Variants in OCA2 observed in about 807,000 individuals in gnomAD.
OCA2 encodes the protein OCA2 melanosomal transmembrane protein, also known as P protein.
A neutral mutation model predicts 100.2 loss-of-function variants in OCA2; 77 were observed. The ratio of observed to expected loss-of-function variants is 0.77; its 90% CI spans 0.64 to 0.93. OCA2 has a LOEUF of 0.93. Among genes scored for constraint, OCA2 ranks in the 40% least tolerant of loss-of-function variants. The probability of loss-of-function intolerance (pLI) is 0.00; values close to 1 mark genes in which losing one functional copy is unlikely to be tolerated. For synonymous variants in OCA2, 432 were observed against 439.2 expected (o/e 0.98, Z 0.21); for missense variants, 1,062 against 1,089.1 (o/e 0.98, Z 0.35).
chr15:28,003,163 G>A (rs532493177), intron 9 of OCA2, among the ~76,000 whole-genome samples: 1 of 152,350 alleles, frequency 6.6e-6, no homozygotes, highest in African/African-American at 2.4e-5. Context: ...TCAGTACTCA[G>A]TTCCTAAGGT....
At position 27,845,680 on chromosome 15, in the gene OCA2, G is replaced by C. The variant is rs56269421; in HGVS notation, c.2339-628C>G. 8.5e-4 allele frequency among the ~76,000 whole-genome samples: 130 copies of C among 152,168 alleles called. 3 individuals are homozygous for C. Among genetic ancestry groups the C allele is most frequent in the African/African-American group, 3.0e-3 (123 of 41,518 alleles). Reference sequence around the variant, plus strand: ...ACCCCCCACACACACTCACACCCAGGGAAGGCCCAGGAGCCTCCTCCGTCG... The same window carrying C: ...ACCCCCCACACACACTCACACCCAGCGAAGGCCCAGGAGCCTCCTCCGTCG... On this transcript the variant is annotated intron_variant, in intron 22 of 23. Transcript: ENST00000354638.
At chr15:27,971,883 T>C (rs1486175183) in intron 14 of OCA2, among the ~76,000 whole-genome samples, 1 of 152,178 alleles carries the variant, frequency 6.6e-6, no homozygotes, top group Non-Finnish European at 1.5e-5. Context: ...GGATAAATTA[T>C]ATACTGGTGA....
Position 28,070,743 on chromosome 15 carries a change from T to C in OCA2, c.227+10905A>G, listed in dbSNP as rs979280947. 9.7e-3 allele frequency among the ~76,000 whole-genome samples: 1,449 copies of C among 149,416 alleles called. 27 individuals carry two copies. Among genetic ancestry groups the C allele is most frequent in the African/African-American group, 0.034 (1,380 of 40,078 alleles). On this transcript the variant is annotated intron_variant, in intron 2 of 23. Transcript: ENST00000354638. Reference sequence around the variant, plus strand: ...AAAGGCGGGAAAGGTGGGGAAGAGATTGAGAAATCGGATGGTTGCCGTGTC... The same window carrying C: ...AAAGGCGGGAAAGGTGGGGAAGAGACTGAGAAATCGGATGGTTGCCGTGTC...
intron 2 of OCA2, among the ~76,000 whole-genome samples, chr15:28,034,231 G>T (rs949748228): frequency 2.6e-5 from 4 of 152,170 alleles, no homozygotes; most frequent in Non-Finnish European, 5.9e-5. Flanking sequence ...GGTCAAGGCT[G>T]CAGTGAGCTA....
At chr15:28,015,611 G>A (rs1396629831) in intron 8 of OCA2, among the ~76,000 whole-genome samples, 1 of 152,108 alleles carries the variant, frequency 6.6e-6, no homozygotes, top group African/African-American at 2.4e-5. Context: ...GTAAGCCAGG[G>A]GAGAGGCCTT....
Position 28,024,870 on chromosome 15 carries a change from A to G in OCA2, c.548T>C (p.Leu183Pro), listed in dbSNP as rs372681761. ...AGAACACAGCACCACAAAGGCAAAC[A>G]GGCCCATGACTTTCAGCCACTGCAC... Reference protein sequence around the residue: ...RCVQWLKVMGLFAFVVLCSIL... With the variant: ...RCVQWLKVMGPFAFVVLCSIL... Residue 183 changes from leucine to proline, a missense_variant, in exon 5 of 24, where the codon CTG (leucine) becomes CCG (proline). Leu to Pro is a moderately conservative substitution (Grantham distance 98). Transcript: ENST00000354638. The G allele has an allele frequency of 1.2e-6, 2 of 1,614,110 alleles. No homozygotes were observed. The highest frequency in any genetic ancestry group is 8.5e-7 in the Non-Finnish European group (1 of 1,180,044).
the OCA2 span, among the ~76,000 whole-genome samples, chr15:27,726,185 C>G: frequency 6.6e-6 from 1 of 152,066 alleles, no homozygotes; most frequent in African/African-American, 2.4e-5. Context: ...GTAGTCCCAG[C>G]TACTCGGGAG....
At chr15:27,935,477 G>A (rs547809735) in intron 18 of OCA2, among the ~76,000 whole-genome samples, 1 of 152,272 alleles carries the variant, frequency 6.6e-6, no homozygotes, top group African/African-American at 2.4e-5. Context: ...AGTAGGAAAG[G>A]GCTTTCACCA....
intron 2 of OCA2, among the ~76,000 whole-genome samples, chr15:28,044,641 G>C (rs2043296921): frequency 6.6e-6 from 1 of 152,198 alleles, no homozygotes; most frequent in African/African-American, 2.4e-5. Context: ...CTCCAACTAT[G>C]ATTCTTTCTT....
At chr15:27,768,851 A>T (rs2031491260) in intron 23 of OCA2, among the ~76,000 whole-genome samples, 1 of 152,334 alleles carries the variant, frequency 6.6e-6, no homozygotes, top group African/African-American at 2.4e-5. Context: ...GGCACTTCAA[A>T]GGCTGGCCTG....
intron 18 of OCA2, among the ~76,000 whole-genome samples, chr15:27,942,640 T>C (rs998931766): frequency 1.3e-5 from 2 of 152,176 alleles, no homozygotes; most frequent in Non-Finnish European, 2.9e-5. Flanking sequence ...AATGATATAA[T>C]TTTGCAAGAT....
intron 21 of OCA2, among the ~76,000 whole-genome samples, chr15:27,861,111 T>TG (rs1166743244): frequency 6.6e-6 from 1 of 152,158 alleles, no homozygotes; most frequent in Non-Finnish European, 1.5e-5. Flanking sequence ...TGGTCCTTGC[T>TG]GGGGCCTCAG....
At chr15:27,830,811 G>A (rs981831656) in intron 23 of OCA2, among the ~76,000 whole-genome samples, 7 of 152,294 alleles carry the variant, frequency 4.6e-5, no homozygotes, top group Middle Eastern at 3.4e-3. Context: ...GAGGAGACTG[G>A]AAGACTGGTT....
rs374350218 is a variant in OCA2, at chr15:28,022,559, T to A, written c.588A>T (p.Leu196=). The change falls in exon 6 of 24, where the codon CTA becomes CTT. Residue 196 remains leucine, a synonymous_variant. Transcript: ENST00000354638. ...GCCAGAGCTTTCCTTGATCCGGATA[T>A]AGGCTGAACAAAATCTGTAACAATC... is the stretch of plus-strand genomic sequence containing the variant. ...FVVLCSILFS[L]YPDQGKLWQL... 1 of 1,613,570 alleles carries A rather than the reference T, an allele frequency of 6.2e-7. No individual in the cohort carries two copies. The highest frequency in any genetic ancestry group is 1.7e-5 in the Admixed American group (1 of 60,024).
At chr15:27,887,190 C>T (rs144215412) in intron 19 of OCA2, among the ~76,000 whole-genome samples, 2,369 of 152,258 alleles carry the variant, frequency 0.016, 55 homozygotes, top group African/African-American at 0.05. Flanking sequence ...GTCCATTAAA[C>T]CTCTTTCCTT....
chr15:27,943,671 TAAAAAAAAAAA>T (rs66644405), intron 18 of OCA2, among the ~76,000 whole-genome samples: 26 of 114,884 alleles, frequency 2.3e-4, no homozygotes, highest in African/African-American at 7.3e-4. Flanking sequence ...AAGTATAATT[TAAAAAAAAAAA>T]AAAAAAAAAC....
intron 19 of OCA2, chr15:27,896,453 GAA>G (rs2037693299): frequency 1.6e-6 from 1 of 640,432 alleles, no homozygotes; most frequent in Admixed American, 2.2e-5. Flanking sequence ...CCATCTAGGA[GAA>G]GAAGCCCAAG....
At chr15:27,798,544 G>C (rs922767814) in intron 23 of OCA2, among the ~76,000 whole-genome samples, 4 of 152,090 alleles carry the variant, frequency 2.6e-5, no homozygotes, top group African/African-American at 9.7e-5. Flanking sequence ...AAGGAAGAAG[G>C]GGTTATGAAA....
At chr15:28,084,964 C>A (rs931375738) in intron 1 of OCA2, among the ~76,000 whole-genome samples, 2 of 152,170 alleles carry the variant, frequency 1.3e-5, no homozygotes, top group African/African-American at 4.8e-5. Flanking sequence ...ATTCTGTCAG[C>A]TGGAGGTCAG....
Sources: allele counts gnomAD v4.1 joint callset (sites outside exome capture counted in the v4.1 genomes callset), GRCh38; gene constraint gnomAD v4.1.1; transcripts MANE v1.5; gene names NCBI Gene and HGNC (gene_info 2026-07-23, HGNC 2026-07-21).